PRKG1: variants seen among roughly 807,000 people sequenced by gnomAD.
PRKG1 encodes the protein cGMP-dependent protein kinase 1.
Under a neutral mutation model 88.1 loss-of-function variants are expected in PRKG1, and 35 were observed. The ratio of observed to expected loss-of-function variants is 0.40; its 90% confidence interval spans 0.30 to 0.53. The LOEUF (loss-of-function observed/expected upper bound fraction) is 0.53. Among genes scored for constraint, PRKG1 ranks in the 20% least tolerant of loss-of-function variants. The pLI, the probability that PRKG1 is intolerant of heterozygous loss-of-function variation, is 0.59. For synonymous variants in PRKG1, 303 were observed against 292.5 expected (o/e 1.04, Z -0.37); for missense variants, 540 against 839.8 (o/e 0.64, Z 4.41).
At position 52,033,477 on chromosome 10, in the gene PRKG1, A is replaced by T. The variant is rs556823034; in HGVS notation, c.763-21007A>T. On this transcript the variant is annotated intron_variant, in intron 5 of 17. Transcript: ENST00000373980. ...CCTCTCTTTCTGGGTTCCATTGCTA[A>T]GCGAGCTATTTTTTATGGACTATGT... Among the ~76,000 whole-genome samples, 10 of 152,272 alleles carry T rather than the reference A, an allele frequency of 6.6e-5. No individual in the cohort carries two copies. In the South Asian group the frequency reaches 1.9e-3, roughly 28 times the overall value.
intron 3 of PRKG1, among the ~76,000 whole-genome samples, chr10:51,670,867 ATAAC>A (rs1840556530): frequency 6.6e-6 from 1 of 152,072 alleles, no homozygotes; most frequent in Non-Finnish European, 1.5e-5. Context: ...ATAATACTGA[ATAAC>A]TAAGCTCTGA....
chr10:52,002,503 C>A (rs1337309041), intron 5 of PRKG1, among the ~76,000 whole-genome samples: 1 of 152,060 alleles, frequency 6.6e-6, no homozygotes, highest in Non-Finnish European at 1.5e-5. Context: ...TAACACGGAT[C>A]CACTCAATGG....
intron 3 of PRKG1, among the ~76,000 whole-genome samples, chr10:51,635,885 T>C (rs894230937): frequency 2.0e-5 from 3 of 152,126 alleles, no homozygotes; most frequent in African/African-American, 7.2e-5. Flanking sequence ...ATAAAAATGA[T>C]AAATCTTCAG....
chr10:52,066,136 C>T (rs1846349297), intron 7 of PRKG1, among the ~76,000 whole-genome samples: 1 of 152,176 alleles, frequency 6.6e-6, no homozygotes, highest in Non-Finnish European at 1.5e-5. Context: ...CTAGTTACCT[C>T]ATGAAATGGT....
At chr10:51,379,874 T>C (rs555318948) in intron 2 of PRKG1, among the ~76,000 whole-genome samples, 1 of 152,338 alleles carries the variant, frequency 6.6e-6, no homozygotes, top group East Asian at 1.9e-4. Flanking sequence ...TAATCCATTT[T>C]TGCACAATCT....
chr10:51,495,319 G>A (rs376233953), intron 3 of PRKG1, among the ~76,000 whole-genome samples: 2 of 152,058 alleles, frequency 1.3e-5, no homozygotes, highest in African/African-American at 2.4e-5. Context: ...GGTCTTAGAC[G>A]CCTGACCTCA....
intron 2 of PRKG1, among the ~76,000 whole-genome samples, chr10:51,398,168 G>A (rs1335512001): frequency 6.6e-6 from 1 of 152,152 alleles, no homozygotes; most frequent in Non-Finnish European, 1.5e-5. Flanking sequence ...TGGCACCAGG[G>A]ACTGGTTTCA....
chr10:52,077,867 G>A (rs1238222819), intron 7 of PRKG1, among the ~76,000 whole-genome samples: 1 of 152,060 alleles, frequency 6.6e-6, no homozygotes, highest in African/African-American at 2.4e-5. Context: ...TTCTATAAAG[G>A]CATGGGGTTT....
intron 2 of PRKG1, among the ~76,000 whole-genome samples, chr10:51,186,239 C>A (rs1051532517): frequency 6.6e-6 from 1 of 151,660 alleles, no homozygotes; most frequent in African/African-American, 2.4e-5. Context: ...CATTTTCTCT[C>A]TTATGCTTCC....
At chr10:51,368,523 C>A (rs1249955646) in intron 2 of PRKG1, among the ~76,000 whole-genome samples, 1 of 152,084 alleles carries the variant, frequency 6.6e-6, no homozygotes, top group Non-Finnish European at 1.5e-5. Flanking sequence ...ACTTCTCACA[C>A]ATTGGGTTTA....
At chr10:51,409,406 G>A (rs1026354211) in intron 2 of PRKG1, among the ~76,000 whole-genome samples, 6 of 152,060 alleles carry the variant, frequency 3.9e-5, no homozygotes, top group African/African-American at 7.2e-5. Flanking sequence ...TAAGATTTCC[G>A]TTCGATGATT....
intron 3 of PRKG1, among the ~76,000 whole-genome samples, chr10:51,772,803 G>A (rs180877843): frequency 3.2e-4 from 49 of 152,150 alleles, no homozygotes; most frequent in South Asian, 8.3e-4. Flanking sequence ...ATTTTGAAAA[G>A]CAAGTTTTGA....
At chr10:52,100,993 T>A (rs970584152) in intron 7 of PRKG1, among the ~76,000 whole-genome samples, 3 of 152,202 alleles carry the variant, frequency 2.0e-5, no homozygotes, top group African/African-American at 7.2e-5. Flanking sequence ...CTATTAAAAT[T>A]TCTGTGGCCA....
intron 2 of PRKG1, among the ~76,000 whole-genome samples, chr10:51,337,890 C>T (rs1282971590): frequency 6.6e-6 from 1 of 152,134 alleles, no homozygotes; most frequent in Non-Finnish European, 1.5e-5. Flanking sequence ...CCAGCAATCC[C>T]ATTGCTGGAT....
At chr10:51,079,297 G>A (rs1215958183) in intron 1 of PRKG1, among the ~76,000 whole-genome samples, 3 of 151,998 alleles carry the variant, frequency 2.0e-5, no homozygotes, top group Non-Finnish European at 4.4e-5. Flanking sequence ...TAAGTCACAG[G>A]GGAGATAACT....
At chr10:51,899,094 G>A (rs1841921052) in intron 4 of PRKG1, among the ~76,000 whole-genome samples, 1 of 151,954 alleles carries the variant, frequency 6.6e-6, no homozygotes, top group Admixed American at 6.6e-5. Context: ...TAATTCCATT[G>A]TATACATAAG....
intron 1 of PRKG1, among the ~76,000 whole-genome samples, chr10:51,101,842 A>T (rs1369895744): frequency 6.6e-6 from 1 of 152,216 alleles, no homozygotes; most frequent in African/African-American, 2.4e-5. Context: ...TGGAGTCACC[A>T]GTTACCCCTG....
At chr10:51,271,625 G>A (rs1177624902) in intron 2 of PRKG1, among the ~76,000 whole-genome samples, 1 of 152,174 alleles carries the variant, frequency 6.6e-6, no homozygotes, top group Non-Finnish European at 1.5e-5. Context: ...GGTCTAATGT[G>A]ATTGGGAAAA....
At chr10:51,328,794 C>A (rs1361899916) in intron 2 of PRKG1, among the ~76,000 whole-genome samples, 3 of 152,068 alleles carry the variant, frequency 2.0e-5, no homozygotes, top group Non-Finnish European at 2.9e-5. Flanking sequence ...TACCTGTTGG[C>A]CATTTGTTTG....
Sources: gnomAD v4.1 joint callset for allele counts (sites outside exome capture counted in the v4.1 genomes callset) on GRCh38, gnomAD v4.1.1 for gene constraint, MANE v1.5 for transcripts, NCBI Gene and HGNC (gene_info 2026-07-23, HGNC 2026-07-21) for gene names.